Variants in COL6A5 observed in about 807,000 individuals in gnomAD.
COL6A5 encodes the protein collagen type VI alpha 5 chain, also known as collagen alpha-5(VI) chain.
Under a neutral mutation model 65.6 loss-of-function variants are expected in COL6A5, and 48 were observed. That is an observed-to-expected ratio of 0.73 (90% CI 0.58 to 0.93). The LOEUF (loss-of-function observed/expected upper bound fraction) is 0.93, where lower values mean the gene tolerates loss of function less well. Among genes scored for constraint, COL6A5 ranks in the 40% least tolerant of loss-of-function variants. The pLI is 0.00. For missense variants in COL6A5, 914 were observed against 928.3 expected, an observed-to-expected ratio of 0.98 and a Z score of 0.20; for synonymous variants, 291 against 322.8, an observed-to-expected ratio of 0.90 and a Z score of 1.05.
intron 1 of COL6A5, among the ~76,000 whole-genome samples, chr3:130,349,984 A>G (rs903863362): frequency 2.0e-5 from 3 of 152,166 alleles, no homozygotes; most frequent in Non-Finnish European, 1.5e-5. Flanking sequence ...TTATATCTGT[A>G]TTTAGTGTAG....
intron 1 of COL6A5, among the ~76,000 whole-genome samples, chr3:130,438,397 G>GTGAATGAGTGAATGAA (rs1055261399): frequency 2.1e-5 from 3 of 141,328 alleles, no homozygotes; most frequent in Non-Finnish European, 4.8e-5. Context: ...GAATGAATGA[G>GTGAATGAGTGAATGAA]TGAATGAGTG....
intron 5 of COL6A5, among the ~76,000 whole-genome samples, 191 bp from the exon 38 acceptor site, chr3:130,468,604 G>T (rs1709872055): frequency 6.6e-6 from 1 of 152,000 alleles, no homozygotes; most frequent in Admixed American, 6.6e-5. Context: ...AATGGTAATG[G>T]CTCTGCATGC....
intron 4 of COL6A5, among the ~76,000 whole-genome samples, chr3:130,445,440 T>C (rs1709283147): frequency 6.6e-6 from 1 of 152,168 alleles, no homozygotes; most frequent in African/African-American, 2.4e-5. Flanking sequence ...TATTTCCCAC[T>C]AACAGCATGT....
chr3:130,454,036 C>G (rs1709509491), intron 4 of COL6A5, among the ~76,000 whole-genome samples: 1 of 152,114 alleles, frequency 6.6e-6, no homozygotes, highest in Non-Finnish European at 1.5e-5. Flanking sequence ...TCCTATAGGA[C>G]AGCAGACAAA....
At chr3:130,376,099 G>C in intron 2 of COL6A5, 138 bp from the exon 3 acceptor site, 1 of 822,364 alleles carries the variant, frequency 1.2e-6, no homozygotes, top group East Asian at 2.9e-5. Flanking sequence ...ATTTTCTTCT[G>C]TTTGACCTCC....
chr3:130,382,300 T>C (rs972901061), intron 4 of COL6A5, among the ~76,000 whole-genome samples: 29 of 152,092 alleles, frequency 1.9e-4, no homozygotes, highest in African/African-American at 6.5e-4. Flanking sequence ...AATGTAAATT[T>C]CTGGACACTC....
At chr3:130,403,843 T>A (rs1936897803) in intron 13 of COL6A5, among the ~76,000 whole-genome samples, 181 bp downstream of exon 13, 1 of 152,224 alleles carries the variant, frequency 6.6e-6, no homozygotes, top group Non-Finnish European at 1.5e-5. Context: ...TTTGTTTATA[T>A]GTTTATTTTT....
chr3:130,467,271 TAAA>T (rs1476794130), intron 5 of COL6A5, among the ~76,000 whole-genome samples: 1 of 151,788 alleles, frequency 6.6e-6, no homozygotes, highest in Admixed American at 6.6e-5. Flanking sequence ...GAGGGGGGAA[TAAA>T]GAAGAGCTGG....
intron 7 of COL6A5, among the ~76,000 whole-genome samples, 189 bp from the exon 40 acceptor site, chr3:130,471,493 A>G (rs993482658): frequency 1.3e-5 from 2 of 152,112 alleles, no homozygotes; most frequent in Non-Finnish European, 2.9e-5. Context: ...AACTGCGGAG[A>G]CAAATGTCTA....
intron 1 of COL6A5, among the ~76,000 whole-genome samples, chr3:130,369,561 C>A (rs1935474043): frequency 6.6e-6 from 1 of 152,170 alleles, no homozygotes; most frequent in Non-Finnish European, 1.5e-5. Flanking sequence ...CACTTTAACA[C>A]CTCATGCCAT....
chr3:130,349,407 CTT>C (rs1467780903), intron 1 of COL6A5, among the ~76,000 whole-genome samples: 1 of 152,166 alleles, frequency 6.6e-6, no homozygotes, highest in Non-Finnish European at 1.5e-5. Flanking sequence ...TTATAGCTAA[CTT>C]ATATAATTGA....
intron 1 of COL6A5, among the ~76,000 whole-genome samples, chr3:130,353,401 C>G (rs144831082): frequency 9.2e-5 from 14 of 152,286 alleles, no homozygotes; most frequent in Middle Eastern, 6.8e-3. Flanking sequence ...AGAATTGTTT[C>G]AGTCAACAAA....
chr3:130,396,103 C>T (rs1024692615), intron 8 of COL6A5, among the ~76,000 whole-genome samples: 1 of 152,188 alleles, frequency 6.6e-6, no homozygotes, highest in African/African-American at 2.4e-5. Flanking sequence ...AACAATGATG[C>T]ATCTCACAGG....
chr3:130,355,576 A>G (rs1934893721), intron 1 of COL6A5, among the ~76,000 whole-genome samples: 1 of 151,934 alleles, frequency 6.6e-6, no homozygotes, highest in Admixed American at 6.6e-5. Flanking sequence ...CTTAGGGTAA[A>G]CTAGTAAAAT....
At chr3:130,415,541 G>A (rs1937312860) in intron 22 of COL6A5, 104 bp from the exon 23 acceptor site, 2 of 1,009,170 alleles carry the variant, frequency 2.0e-6, no homozygotes, top group African/African-American at 3.2e-5. Flanking sequence ...AAGGCTGTGG[G>A]AAGGGCTGGA....
intron 1 of COL6A5, among the ~76,000 whole-genome samples, chr3:130,366,316 A>C (rs565081099): frequency 3.3e-5 from 5 of 152,190 alleles, no homozygotes; most frequent in Admixed American, 6.5e-5. Flanking sequence ...GCTCTGATAG[A>C]GGGGGCTTCT....
intron 6 of COL6A5, 23 bp from the exon 39 acceptor site, chr3:130,470,848 T>C: frequency 6.4e-7 from 1 of 1,570,670 alleles, no homozygotes; most frequent in Non-Finnish European, 8.7e-7. Context: ...AAATTTAGAC[T>C]AACCAGCCCA....
Position 130,455,435 on chromosome 3 carries a change from A to G in COL6A5, c.1333-20A>G, listed in dbSNP as rs763449871. ...TCTCTAAAGTTATCTAGACTCACCT[A>G]AAGTTTTTTTTTCTTCTAGATTTGT... On this transcript the variant is annotated intron_variant, in intron 4 of 7. Coordinates refer to ENST00000512836, the Ensembl canonical transcript of COL6A5. 7.2e-6 allele frequency: 11 copies of G among 1,527,412 alleles called. No individual in the cohort carries two copies. The highest frequency in any genetic ancestry group is 9.9e-6 in the Non-Finnish European group (11 of 1,107,106). 94.6% of individuals were successfully genotyped at this position (1,527,412 alleles called of 1,614,324 possible).
intron 3 of COL6A5, among the ~76,000 whole-genome samples, chr3:130,378,217 C>A (rs935452691): frequency 6.6e-6 from 1 of 152,080 alleles, no homozygotes; most frequent in African/African-American, 2.4e-5. Context: ...CTCAAACTTA[C>A]CATGTCTGAA....
Sources: gnomAD v4.1 joint callset for allele counts (sites outside exome capture counted in the v4.1 genomes callset) on GRCh38, gnomAD v4.1.1 for gene constraint, MANE v1.5 for transcripts, NCBI Gene and HGNC (gene_info 2026-07-23, HGNC 2026-07-21) for gene names.